Variants in PRKN observed in about 807,000 individuals in gnomAD.
PRKN encodes parkin RBR E3 ubiquitin protein ligase, also known as E3 ubiquitin-protein ligase parkin.
In PRKN, 56 loss-of-function variants were observed where a neutral mutation model predicts 59.5. The observed-to-expected ratio is 0.94, with a 90% confidence interval of 0.76 to 1.18. The LOEUF is 1.18. Among genes scored for constraint, PRKN ranks in the 50% most tolerant of loss-of-function variants. PRKN has a pLI of 0.00. For synonymous variants in PRKN, 250 were observed against 222.1 expected (o/e 1.13, Z -1.12); for missense variants, 657 against 596.4 (o/e 1.10, Z -1.06).
At chr6:162,330,293 T>C (rs1289675667) in intron 2 of PRKN, among the ~76,000 whole-genome samples, 2 of 152,196 alleles carry the variant, frequency 1.3e-5, no homozygotes, top group East Asian at 1.9e-4. Flanking sequence ...CGGCATAGTA[T>C]GGTGGTATCT....
At chr6:162,518,850 T>G (rs183129737) in intron 1 of PRKN, among the ~76,000 whole-genome samples, 67 of 152,328 alleles carry the variant, frequency 4.4e-4, no homozygotes, top group South Asian at 2.3e-3. Flanking sequence ...AAATTTGCCA[T>G]GTATGTGTAT....
At chr6:161,895,793 T>C (rs564414836) in intron 6 of PRKN, among the ~76,000 whole-genome samples, 19 of 152,316 alleles carry the variant, frequency 1.2e-4, no homozygotes, top group African/African-American at 3.4e-4. Context: ...AGTAAATATC[T>C]GTTGAACAAA....
At position 161,987,791 on chromosome 6, in the gene PRKN, C is replaced by A. The variant is rs148386800; in HGVS notation, c.619-14374G>T. 5.7e-4 allele frequency among the ~76,000 whole-genome samples: 86 copies of A among 152,184 alleles called. 2 individuals are homozygous for A. In the East Asian group the frequency reaches 0.012, roughly 21 times the overall value. ...TAAAATAAGTTAAATAACATCAAAC[C>A]TTTTGTGTCATAAGGACACCATTAA... On this transcript the variant is annotated intron_variant, in intron 5 of 11. Transcript: ENST00000366898.
intron 5 of PRKN, among the ~76,000 whole-genome samples, chr6:162,045,736 T>A (rs924912689): frequency 6.6e-6 from 1 of 152,162 alleles, no homozygotes; most frequent in Non-Finnish European, 1.5e-5. Flanking sequence ...CTGGGAGCCA[T>A]CAATCACCTG....
At chr6:161,531,261 G>T in intron 9 of PRKN, among the ~76,000 whole-genome samples, 1 of 151,658 alleles carries the variant, frequency 6.6e-6, no homozygotes. Context: ...GGCGCCTGTA[G>T]TCCCAGCTAC....
chr6:162,338,484 C>T lies in PRKN; in HGVS notation c.172-75719G>A, dbSNP rs548340490. Among the ~76,000 whole-genome samples the T allele has an allele frequency of 7.2e-5, 11 of 152,322 alleles. No individual in the cohort carries two copies. In the South Asian group the frequency reaches 2.3e-3, roughly 32 times the overall value. On this transcript the variant is annotated intron_variant, in intron 2 of 11. Coordinates refer to ENST00000366898, the MANE Select transcript of PRKN (RefSeq NM_004562.3). ...GGCCGGGCCGGTCTCCAGCCCCTAA[C>T]CGCGAGTGATCCGCCAGCCTCGGCC...
At chr6:162,602,116 G>A (rs530248101) in intron 1 of PRKN, among the ~76,000 whole-genome samples, 315 of 152,258 alleles carry the variant, frequency 2.1e-3, no homozygotes, top group African/African-American at 7.3e-3. Flanking sequence ...TCCCCGCATG[G>A]TGCCCAGGGA....
At chr6:161,874,842 TAA>T (rs1379638735) in intron 6 of PRKN, among the ~76,000 whole-genome samples, 11 of 108,642 alleles carry the variant, frequency 1.0e-4, no homozygotes, top group South Asian at 6.0e-4. Context: ...GTATAATATA[TAA>T]AATATATAAA....
intron 9 of PRKN, among the ~76,000 whole-genome samples, chr6:161,505,424 A>G (rs932108169): frequency 5.3e-5 from 8 of 151,234 alleles, no homozygotes; most frequent in Admixed American, 5.3e-4. Context: ...TCTGGATATT[A>G]GCCCTTTGTC....
chr6:162,043,722 A>C (rs1319669800), intron 5 of PRKN, among the ~76,000 whole-genome samples: 1 of 152,200 alleles, frequency 6.6e-6, no homozygotes, highest in African/African-American at 2.4e-5. Context: ...TGAAAAGGTA[A>C]CGGCAACAGA....
Position 161,419,689 on chromosome 6 carries a change from C to T in PRKN, c.1084-32812G>A, listed in dbSNP as rs963592183. Among the ~76,000 whole-genome samples, 1 of 151,882 alleles carries T rather than the reference C, an allele frequency of 6.6e-6. No homozygotes were observed. Among genetic ancestry groups the T allele is most frequent in the Non-Finnish European group, 1.5e-5 (1 of 67,980 alleles). On this transcript the variant is annotated intron_variant, in intron 9 of 11. Coordinates refer to ENST00000366898, the MANE Select transcript of PRKN (RefSeq NM_004562.3). The surrounding 1 kb of genome is among the most constrained non-coding windows in gnomAD (Gnocchi z 4.1). Reference sequence around the variant, plus strand: ...AGGCATGAACCACCACGCCCAGCCTCCTCTGACTTTTGTAAGGGAAATAAT... The same window carrying T: ...AGGCATGAACCACCACGCCCAGCCTTCTCTGACTTTTGTAAGGGAAATAAT...
intron 7 of PRKN, among the ~76,000 whole-genome samples, chr6:161,725,316 C>A (rs762977437): frequency 1.3e-5 from 2 of 152,052 alleles, no homozygotes; most frequent in Non-Finnish European, 2.9e-5. Flanking sequence ...TAACCTCAGA[C>A]CAGTTCACTA....
chr6:161,971,939 C>A (rs1203395539), intron 6 of PRKN, among the ~76,000 whole-genome samples: 3 of 152,118 alleles, frequency 2.0e-5, no homozygotes, highest in African/African-American at 7.2e-5. Flanking sequence ...ACAATAGATT[C>A]TTTGACTTTA....
At chr6:162,585,031 G>A (rs1780989215) in intron 1 of PRKN, among the ~76,000 whole-genome samples, 1 of 150,696 alleles carries the variant, frequency 6.6e-6, no homozygotes, top group Non-Finnish European at 1.5e-5. Flanking sequence ...CTCCCGAGTA[G>A]CTGAGATTAC....
rs137998164 is a variant in PRKN, at chr6:161,487,013, G to A, written c.1083+61841C>T. The stretch of plus-strand genomic sequence containing the variant: ...TAAGAGTTTAGGGGAGGTGTAGCTC[G>A]TCTTCATGGAGGTTAGGGGCAAGTG... On this transcript the variant is annotated intron_variant, in intron 9 of 11. Coordinates refer to ENST00000366898, the MANE Select transcript of PRKN (RefSeq NM_004562.3). This position sits in a 1 kb window ranked among gnomAD's most constrained non-coding sequence, Gnocchi z 5.3. Among the ~76,000 whole-genome samples, 242 of 152,214 alleles carry A rather than the reference G, an allele frequency of 1.6e-3. No homozygotes were observed. Among genetic ancestry groups the A allele is most frequent in the Middle Eastern group, 6.8e-3 (2 of 294 alleles).
At chr6:161,608,676 G>A (rs1782376160) in intron 7 of PRKN, among the ~76,000 whole-genome samples, 1 of 151,872 alleles carries the variant, frequency 6.6e-6, no homozygotes, top group Admixed American at 6.6e-5. Context: ...GGGATTACAG[G>A]TGTGTGCCAC....
intron 6 of PRKN, among the ~76,000 whole-genome samples, chr6:161,827,995 G>A (rs920311820): frequency 6.6e-6 from 1 of 152,068 alleles, no homozygotes; most frequent in African/African-American, 2.4e-5. Flanking sequence ...AAATTATACT[G>A]GTTTTCATGC....
At chr6:161,666,850 C>G (rs549216590) in intron 7 of PRKN, among the ~76,000 whole-genome samples, 16 of 152,136 alleles carry the variant, frequency 1.1e-4, no homozygotes, top group Non-Finnish European at 2.2e-4. Context: ...GGGAGTTTTG[C>G]TGGCAGACAC....
chr6:162,625,122 A>G (rs939271697), intron 1 of PRKN, among the ~76,000 whole-genome samples: 9 of 152,186 alleles, frequency 5.9e-5, no homozygotes, highest in African/African-American at 2.2e-4. Context: ...CATAAGGCTG[A>G]ACGTGCTCCA....
Sources: allele counts gnomAD v4.1 joint callset (sites outside exome capture counted in the v4.1 genomes callset), GRCh38; gene constraint gnomAD v4.1.1; non-coding constraint Gnocchi (gnomAD v3.1); transcripts MANE v1.5; gene names NCBI Gene and HGNC (gene_info 2026-07-23, HGNC 2026-07-21).